Variants in KLHDC10 observed in about 807,000 individuals in gnomAD.
KLHDC10 encodes the protein kelch domain-containing protein 10.
Under a neutral mutation model 56.1 loss-of-function variants are expected in KLHDC10, and 24 were observed. The ratio of observed to expected loss-of-function variants is 0.43; its 90% CI spans 0.31 to 0.60. The LOEUF is 0.60. KLHDC10 is among the 20% of genes least tolerant of loss of function. The pLI is 0.11. For missense variants in KLHDC10, 349 were observed against 567.0 expected (o/e 0.62, Z 3.91); for synonymous variants, 188 against 207.1 (o/e 0.91, Z 0.79).
rs2116901386 is a variant in KLHDC10, at chr7:130,116,038, A to T, written c.254-407A>T. 6.6e-6 allele frequency among the ~76,000 whole-genome samples: 1 copy of T among 152,330 alleles called. No individual in the cohort carries two copies. Among genetic ancestry groups the T allele is most frequent in the Admixed American group, 6.5e-5 (1 of 15,304 alleles). ...GATTATATTTATTTAGTTCTCTAATATTCACAGTTTAATTTAGTTGGCCTG... is the reference window on the plus strand; with the variant it reads ...GATTATATTTATTTAGTTCTCTAATTTTCACAGTTTAATTTAGTTGGCCTG... On this transcript the variant is annotated intron_variant, in intron 2 of 9. Coordinates refer to ENST00000335420, the MANE Select transcript of KLHDC10 (RefSeq NM_014997.4). The surrounding 1 kb of genome is among the most constrained non-coding windows in gnomAD (Gnocchi z 4.8).
chr7:130,117,298 G>A (rs150411400), intron 3 of KLHDC10, among the ~76,000 whole-genome samples: 1 of 152,282 alleles, frequency 6.6e-6, no homozygotes, highest in East Asian at 1.9e-4. Flanking sequence ...GCTGAAGGTT[G>A]GGGTGATTGT....
chr7:130,107,843 C>CAA (rs3043725), intron 2 of KLHDC10, among the ~76,000 whole-genome samples: 2,147 of 25,818 alleles, frequency 0.083, 431 homozygotes, highest in African/African-American at 0.22. Context: ...GACTCCGTCT[C>CAA]AAAAAAAAAA....
chr7:130,079,961 C>T (rs1795580241), intron 1 of KLHDC10, among the ~76,000 whole-genome samples: 1 of 144,600 alleles, frequency 6.9e-6, no homozygotes, highest in Non-Finnish European at 1.5e-5. Flanking sequence ...TCCCTTTCTT[C>T]CTCCCTCCCT....
intron 2 of KLHDC10, among the ~76,000 whole-genome samples, chr7:130,107,654 G>C (rs1294680154): frequency 6.6e-6 from 1 of 151,698 alleles, no homozygotes; most frequent in East Asian, 1.9e-4. Context: ...GACCAGCCTG[G>C]CCAACATGAC....
intron 1 of KLHDC10, among the ~76,000 whole-genome samples, chr7:130,073,118 C>T (rs1795442481): frequency 6.6e-6 from 1 of 151,772 alleles, no homozygotes; most frequent in South Asian, 2.1e-4. Context: ...TCTGTAACCC[C>T]AGCACTTTGA....
At chr7:130,119,669 C>T (rs1183255016) in intron 3 of KLHDC10, among the ~76,000 whole-genome samples, 56 of 150,536 alleles carry the variant, frequency 3.7e-4, no homozygotes, top group Admixed American at 2.6e-4. Context: ...TGTGGTGAAA[C>T]CCCGTCTCTA....
chr7:130,117,143 T>TA (rs1185115692), intron 3 of KLHDC10, among the ~76,000 whole-genome samples: 1 of 152,228 alleles, frequency 6.6e-6, no homozygotes, highest in East Asian at 1.9e-4. Flanking sequence ...GCATTATCTC[T>TA]AAAAAACTAC....
In KLHDC10 at chr7:130,122,275, T is replaced by C. The variant is rs529511460; in HGVS notation, c.779+73T>C. On this transcript the variant is annotated intron_variant, in intron 5 of 9. Transcript: ENST00000335420. Reference sequence around the variant, plus strand: ...GACCTCTTTCAGAGTGTTGGCAATATGAAGAAAACCCTTTGGCCCCAGTTA... The same window carrying C: ...GACCTCTTTCAGAGTGTTGGCAATACGAAGAAAACCCTTTGGCCCCAGTTA... 94 of 1,429,382 alleles carry C rather than the reference T, an allele frequency of 6.6e-5. No individual in the cohort carries two copies. The East Asian group carries it at 2.0e-3, about 30-fold the overall frequency. 88.5% of individuals were successfully genotyped at this position (1,429,382 alleles called of 1,614,324 possible).
chr7:130,074,018 C>T (rs1193977061), intron 1 of KLHDC10, among the ~76,000 whole-genome samples: 2 of 152,198 alleles, frequency 1.3e-5, no homozygotes. Flanking sequence ...CATCCCTGCT[C>T]ACAACCTTTT....
At chr7:130,093,803 G>A (rs17164386) in intron 1 of KLHDC10, among the ~76,000 whole-genome samples, 20,504 of 152,138 alleles carry the variant, frequency 0.13, 1,582 homozygotes, top group East Asian at 0.31. Context: ...GAGTCAACAG[G>A]AGTCTGTGCA....
At chr7:130,070,916 C>A in intron 1 of KLHDC10, 107 bp downstream of exon 1, 1 of 742,072 alleles carries the variant, frequency 1.3e-6, no homozygotes, top group East Asian at 3.1e-5. Flanking sequence ...AGGCAGGCCC[C>A]ACGCATAGCA....
intron 2 of KLHDC10, among the ~76,000 whole-genome samples, chr7:130,112,810 T>G (rs1163428683): frequency 2.6e-5 from 4 of 152,198 alleles, no homozygotes; most frequent in Non-Finnish European, 5.9e-5. Flanking sequence ...ATGAGATTCC[T>G]TGACAGGATG....
At chr7:130,125,818 A>G (rs771740081) in intron 6 of KLHDC10, 47 bp from the exon 7 acceptor site, 6 of 1,428,046 alleles carry the variant, frequency 4.2e-6, no homozygotes, top group Non-Finnish European at 5.8e-6. Context: ...GGCTAGCTAA[A>G]ATTACAATTA....
At chr7:130,093,153 AC>A (rs1325401051) in intron 1 of KLHDC10, among the ~76,000 whole-genome samples, 1 of 152,036 alleles carries the variant, frequency 6.6e-6, no homozygotes, top group Non-Finnish European at 1.5e-5. Context: ...AAGAGAAAAA[AC>A]TAAAAACTAG....
intron 1 of KLHDC10, among the ~76,000 whole-genome samples, chr7:130,083,997 ACTT>A (rs1360560294): frequency 6.6e-6 from 1 of 151,990 alleles, no homozygotes; most frequent in Non-Finnish European, 1.5e-5. Flanking sequence ...TCTCTTTTCA[ACTT>A]ACTTGAGGTG....
chr7:130,088,813 A>G (rs2116858431), intron 1 of KLHDC10, among the ~76,000 whole-genome samples: 1 of 148,114 alleles, frequency 6.8e-6, no homozygotes, highest in South Asian at 2.2e-4. Flanking sequence ...CAGCTATTTT[A>G]GTAAAGACAG....
intron 2 of KLHDC10, among the ~76,000 whole-genome samples, chr7:130,107,459 TAAAAG>T (rs1796024005): frequency 1.3e-5 from 2 of 151,942 alleles, no homozygotes; most frequent in East Asian, 3.9e-4. Flanking sequence ...AATTACAAAA[TAAAAG>T]AGGTATCTAG....
chr7:130,103,738 T>C (rs1209927911), intron 2 of KLHDC10, among the ~76,000 whole-genome samples: 1 of 152,120 alleles, frequency 6.6e-6, no homozygotes, highest in Non-Finnish European at 1.5e-5. Flanking sequence ...ATAAGATTTC[T>C]GAAAGTTTGT....
At chr7:130,075,500 C>T (rs1795485404) in intron 1 of KLHDC10, among the ~76,000 whole-genome samples, 1 of 152,134 alleles carries the variant, frequency 6.6e-6, no homozygotes, top group South Asian at 2.1e-4. Context: ...GATACATTTC[C>T]TGTATATTTT....
Sources: allele counts gnomAD v4.1 joint callset (sites outside exome capture counted in the v4.1 genomes callset), GRCh38; gene constraint gnomAD v4.1.1; non-coding constraint Gnocchi (gnomAD v3.1); transcripts MANE v1.5; gene names NCBI Gene and HGNC (gene_info 2026-07-23, HGNC 2026-07-21).